RGS6: variants seen among roughly 807,000 people sequenced by gnomAD.
RGS6 encodes the protein regulator of G-protein signaling 6.
A neutral mutation model predicts 78.5 loss-of-function variants in RGS6; 30 were observed. That is an observed-to-expected ratio of 0.38 (90% CI 0.29 to 0.52). The LOEUF is 0.52. Among genes scored for constraint, RGS6 ranks in the 20% least tolerant of loss-of-function variants. The pLI is 0.85. For synonymous variants in RGS6, 206 were observed against 206.0 expected (o/e 1.00, Z 0.00); for missense variants, 495 against 609.7 (o/e 0.81, Z 1.98).
chr14:72,165,348 G>C (rs1479457769), intron 2 of RGS6, among the ~76,000 whole-genome samples: 1 of 152,220 alleles, frequency 6.6e-6, no homozygotes, highest in African/African-American at 2.4e-5. Flanking sequence ...GAGAAACAAA[G>C]CAGTGCAGTA....
intron 2 of RGS6, among the ~76,000 whole-genome samples, chr14:71,995,661 C>T (rs943048833): frequency 1.3e-5 from 2 of 152,184 alleles, no homozygotes; most frequent in Non-Finnish European, 2.9e-5. Context: ...TGGAACCTGA[C>T]ACGTAGCAGG....
chr14:72,216,360 G>A (rs1361577859), intron 2 of RGS6, among the ~76,000 whole-genome samples: 1 of 152,174 alleles, frequency 6.6e-6, no homozygotes, highest in Non-Finnish European at 1.5e-5. Context: ...GGGACCTCAG[G>A]TGTATTCATG....
At chr14:72,430,232 C>T (rs560424852) in intron 3 of RGS6, among the ~76,000 whole-genome samples, 1 of 152,266 alleles carries the variant, frequency 6.6e-6, no homozygotes, top group African/African-American at 2.4e-5. Context: ...TTCTCCCATC[C>T]ACTTCGCTCA....
chr14:72,584,419 A>G, the RGS6 span, among the ~76,000 whole-genome samples: 550 of 152,298 alleles, frequency 3.6e-3, 4 homozygotes, highest in African/African-American at 0.013. Flanking sequence ...AAAAGTAAAA[A>G]TGGGTGATGT....
the RGS6 span, among the ~76,000 whole-genome samples, chr14:72,616,254 G>A: frequency 6.2e-4 from 95 of 152,256 alleles, no homozygotes; most frequent in Middle Eastern, 3.4e-3. Context: ...GAAAGTGAGC[G>A]TTACCCATGA....
chr14:72,117,896 G>A (rs2095942590), intron 2 of RGS6, among the ~76,000 whole-genome samples: 2 of 151,950 alleles, frequency 1.3e-5, no homozygotes, highest in African/African-American at 4.8e-5. Context: ...CATCTATTCG[G>A]AGTTGTCAAC....
chr14:71,948,738 C>CT (rs766352167), intron 1 of RGS6, among the ~76,000 whole-genome samples: 23,800 of 73,546 alleles, frequency 0.32, 5,920 homozygotes, highest in African/African-American at 0.37. Context: ...CTCTCTCTCT[C>CT]TCTTTTTTTT....
chr14:72,125,658 G>A (rs1025790526), intron 2 of RGS6, among the ~76,000 whole-genome samples: 2 of 152,086 alleles, frequency 1.3e-5, no homozygotes, highest in Non-Finnish European at 2.9e-5. Flanking sequence ...GTGATTGGAG[G>A]TGGGGGAAAG....
intron 2 of RGS6, among the ~76,000 whole-genome samples, chr14:72,049,080 TAGAAG>T (rs894855776): frequency 5.9e-5 from 9 of 152,326 alleles, no homozygotes; most frequent in African/African-American, 1.7e-4. Context: ...AGTTGGAAAG[TAGAAG>T]AGAAAAGTAT....
At chr14:72,402,981 G>C (rs2092602135) in intron 3 of RGS6, among the ~76,000 whole-genome samples, 1 of 151,604 alleles carries the variant, frequency 6.6e-6, no homozygotes, top group Non-Finnish European at 1.5e-5. Context: ...AGTTGAGATG[G>C]GGTTTCGCCA....
At chr14:72,613,302 G>T in the RGS6 span, among the ~76,000 whole-genome samples, 1 of 152,132 alleles carries the variant, frequency 6.6e-6, no homozygotes, top group African/African-American at 2.4e-5. Flanking sequence ...TGCTAGACAG[G>T]GTTGGTGCCA....
intron 17 of RGS6, among the ~76,000 whole-genome samples, chr14:72,554,115 G>C (rs146539825): frequency 3.3e-5 from 5 of 152,346 alleles, no homozygotes; most frequent in Middle Eastern, 3.4e-3. Context: ...AGAAAGAAAT[G>C]AGCCGGCCCT....
intron 2 of RGS6, among the ~76,000 whole-genome samples, chr14:72,147,354 A>T (rs1183221872): frequency 1.3e-5 from 2 of 152,190 alleles, no homozygotes; most frequent in Non-Finnish European, 2.9e-5. Flanking sequence ...AATACCAGAG[A>T]CTGGGTAATT....
chr14:72,264,717 G>A (rs1423494386), intron 2 of RGS6, among the ~76,000 whole-genome samples: 1 of 152,192 alleles, frequency 6.6e-6, no homozygotes, highest in Admixed American at 6.5e-5. Context: ...TAGAATCATG[G>A]AGTTCAAGAG....
intron 2 of RGS6, among the ~76,000 whole-genome samples, chr14:72,215,480 A>G (rs1196374500): frequency 6.6e-6 from 1 of 152,144 alleles, no homozygotes; most frequent in Non-Finnish European, 1.5e-5. Context: ...GAAAGGGTAC[A>G]CTCACCAGCA....
the RGS6 span, among the ~76,000 whole-genome samples, chr14:72,618,537 C>T: frequency 6.6e-6 from 1 of 152,212 alleles, no homozygotes; most frequent in African/African-American, 2.4e-5. Flanking sequence ...AGGAACCAGC[C>T]TGGCCTCTTG....
intron 2 of RGS6, among the ~76,000 whole-genome samples, chr14:72,302,562 T>C (rs2066310972): frequency 6.6e-6 from 1 of 152,136 alleles, no homozygotes; most frequent in African/African-American, 2.4e-5. Flanking sequence ...AACTCATATC[T>C]CCTCTGATGT....
chr14:72,355,770 A>G (rs1402191723), intron 3 of RGS6, among the ~76,000 whole-genome samples: 2 of 152,192 alleles, frequency 1.3e-5, no homozygotes, highest in East Asian at 1.9e-4. Flanking sequence ...CGAGAAGATG[A>G]CATTTGAGTA....
At chr14:72,475,138 G>T (rs1056762279) in intron 10 of RGS6, among the ~76,000 whole-genome samples, 1 of 151,904 alleles carries the variant, frequency 6.6e-6, no homozygotes, top group Non-Finnish European at 1.5e-5. Flanking sequence ...AGCAAGAAGT[G>T]GCAAAGCTCA....
Sources: allele counts gnomAD v4.1 joint callset (sites outside exome capture counted in the v4.1 genomes callset), GRCh38; gene constraint gnomAD v4.1.1; transcripts MANE v1.5; gene names NCBI Gene and HGNC (gene_info 2026-07-23, HGNC 2026-07-21).